The following RBM41 variants were observed in gnomAD, a reference collection of about 807,000 sequenced individuals.
RBM41 encodes the protein RNA binding motif protein 41, also known as RNA-binding protein 41.
RBM41 carries 14 observed loss-of-function variants against 30.8 expected under a neutral mutation model. The ratio of observed to expected loss-of-function variants is 0.45; its 90% confidence interval spans 0.30 to 0.71. The LOEUF (loss-of-function observed/expected upper bound fraction) is 0.71, where lower values mean the gene tolerates loss of function less well. RBM41 is among the 30% of genes least tolerant of loss of function. The pLI, the probability that RBM41 is intolerant of heterozygous loss-of-function variation, is 0.08. For missense variants in RBM41, 276 were observed against 326.3 expected (o/e 0.85, Z 1.19); for synonymous variants, 120 against 110.1 (o/e 1.09, Z -0.56).
rs199923732 is a variant in RBM41, at chrX:107,093,000, C to T, written c.596-4161G>A. Among the ~76,000 whole-genome samples, 267 of 111,623 alleles carry T rather than the reference C, an allele frequency of 2.4e-3. 1 individual carries two copies. Among genetic ancestry groups the T allele is most frequent in the African/African-American group, 7.9e-3 (243 of 30,787 alleles). On this transcript the variant is annotated intron_variant, in intron 5 of 7. Transcript: ENST00000685964. ...AAGAATTAATTATAAAATTCTGGTA[C>T]GTTTATATGATGAAATACTATCATC...
At chrX:107,115,836 A>T (rs190525444) in intron 3 of RBM41, 26 bp downstream of exon 3, 1 of 1,141,684 alleles carries the variant, frequency 8.8e-7, no homozygotes, top group Non-Finnish European at 1.2e-6. Flanking sequence ...AGAAAAACCA[A>T]CAAAAAAAAA....
Position 107,115,908 on chromosome X carries a change from T to C in RBM41, c.272A>G (p.Asn91Ser), listed in dbSNP as rs776595014. 5.0e-6 allele frequency: 6 copies of C among 1,204,756 alleles called. No individual in the cohort carries two copies. In the South Asian group the frequency reaches 7.2e-5, roughly 15 times the overall value. ...CTTCCAGATCAAGATTTCTGTTTCA[T>C]TAAGCCCTAATTCCCTGAGAGAAGC... ...ETASLRELGL[N>S]ETEILIWKSH... The change falls in exon 3 of 8, where the codon AAT becomes AGT. Residue 91 changes from asparagine to serine, a missense_variant. Physicochemically the swap from Asn to Ser is conservative, Grantham distance 46. Transcript: ENST00000685964.
At chrX:107,053,571 C>T in the RBM41 span, among the ~76,000 whole-genome samples, 1 of 112,349 alleles carries the variant, frequency 8.9e-6, no homozygotes, top group Admixed American at 9.4e-5. Flanking sequence ...GGGGGAGGCA[C>T]ATCCAACAGT....
intron 6 of RBM41, among the ~76,000 whole-genome samples, chrX:107,078,373 C>A (rs1265846340): frequency 9.0e-6 from 1 of 111,303 alleles, no homozygotes; most frequent in Non-Finnish European, 1.9e-5. Flanking sequence ...GTATGAAATT[C>A]TTTTTCATGG....
At chrX:107,074,844 G>A (rs772199702) in intron 6 of RBM41, among the ~76,000 whole-genome samples, 9 of 111,522 alleles carry the variant, frequency 8.1e-5, no homozygotes, top group East Asian at 2.8e-4. Flanking sequence ...TATCCAAAGC[G>A]GTCTACAGAT....
intron 5 of RBM41, among the ~76,000 whole-genome samples, chrX:107,092,121 T>C (rs1463387786): frequency 4.5e-5 from 5 of 111,820 alleles, no homozygotes; most frequent in Non-Finnish European, 9.4e-5. Context: ...TATACTATTC[T>C]ATATTTCCAC....
intron 5 of RBM41, among the ~76,000 whole-genome samples, chrX:107,101,879 C>T (rs977952760): frequency 2.7e-5 from 3 of 111,431 alleles, no homozygotes; most frequent in African/African-American, 9.8e-5. Context: ...TGAGTAGAGG[C>T]TGGAAGAATT....
At chrX:107,097,559 G>A (rs1222252321) in intron 5 of RBM41, among the ~76,000 whole-genome samples, 1 of 111,518 alleles carries the variant, frequency 9.0e-6, no homozygotes, top group Non-Finnish European at 1.9e-5. Flanking sequence ...ACCTTGTGAA[G>A]AAGGTGTCTG....
At chrX:107,115,131 C>G (rs1346524503) in intron 4 of RBM41, 1 of 417,714 alleles carries the variant, frequency 2.4e-6, no homozygotes, top group Non-Finnish European at 4.1e-6. Context: ...GTGTTCTGCA[C>G]TACCTCAGCA....
intron 6 of RBM41, among the ~76,000 whole-genome samples, chrX:107,075,065 T>C (rs767257597): frequency 1.8e-5 from 2 of 111,759 alleles, no homozygotes; most frequent in South Asian, 7.6e-4. Flanking sequence ...ACTGGACACA[T>C]AGGCCAATGG....
intron 1 of RBM41, among the ~76,000 whole-genome samples, chrX:107,117,872 A>T: frequency 9.0e-6 from 1 of 111,592 alleles, no homozygotes; most frequent in Non-Finnish European, 1.9e-5. Context: ...CTTGTAGTGG[A>T]TGCGAACCTT....
intron 6 of RBM41, among the ~76,000 whole-genome samples, chrX:107,087,304 GAACT>G (rs2147951263): frequency 9.0e-6 from 1 of 111,010 alleles, no homozygotes; most frequent in South Asian, 3.8e-4. Context: ...AGCTACCCTT[GAACT>G]AATAGTATAA....
chrX:107,077,410 G>A (rs1044679396), intron 6 of RBM41, among the ~76,000 whole-genome samples: 5 of 111,429 alleles, frequency 4.5e-5, no homozygotes, highest in Non-Finnish European at 7.5e-5. Context: ...TGGGATTACA[G>A]ACGTGAGCCA....
At chrX:107,086,680 T>TG (rs2147948876) in intron 6 of RBM41, among the ~76,000 whole-genome samples, 1 of 112,263 alleles carries the variant, frequency 8.9e-6, no homozygotes, top group East Asian at 2.8e-4. Flanking sequence ...AAAATCCCAT[T>TG]GGTTGTAACC....
At chrX:107,078,141 C>G (rs969855969) in intron 6 of RBM41, among the ~76,000 whole-genome samples, 4 of 111,608 alleles carry the variant, frequency 3.6e-5, no homozygotes, top group Non-Finnish European at 5.6e-5. Context: ...TAATGTTAAG[C>G]ATACACACAA....
intron 5 of RBM41, among the ~76,000 whole-genome samples, chrX:107,106,751 C>G (rs1180423869): frequency 9.2e-6 from 1 of 109,231 alleles, no homozygotes; most frequent in Non-Finnish European, 1.9e-5. Context: ...CCATCATTCT[C>G]AGCAAACTAT....
rs766235074 is a variant in RBM41 at position 107,067,599 on chromosome X, T to C, written c.1242A>G (p.Gln414=). 2 of 1,211,112 alleles carry C rather than the reference T, an allele frequency of 1.7e-6. No individual in the cohort carries two copies. The highest frequency in any genetic ancestry group is 1.1e-6 in the Non-Finnish European group (1 of 895,019). Residue 414 remains glutamine (Q), a synonymous_variant, in exon 8 of 8, where the codon CAA becomes CAG. Coordinates refer to ENST00000685964, the MANE Select transcript of RBM41 (RefSeq NM_001324242.2). Reference sequence around the variant, plus strand: ...GAGAAGTCGCTTGGAGATTTGACCGTTGCTTTTTGTTCTTTCCAAACTCTA... The same window carrying C: ...GAGAAGTCGCTTGGAGATTTGACCGCTGCTTTTTGTTCTTTCCAAACTCTA... The part of the protein sequence containing the change: ...LVIEFGKNKK[Q]RSNLQATSLI...
intron 7 of RBM41, among the ~76,000 whole-genome samples, chrX:107,067,968 C>T (rs1935907923): frequency 9.0e-6 from 1 of 111,597 alleles, no homozygotes; most frequent in Non-Finnish European, 1.9e-5. Flanking sequence ...AGGCAGCGTG[C>T]TAAAGAAGTC....
Position 107,104,269 on chromosome X carries a change from G to A in RBM41, c.595+9128C>T, listed in dbSNP as rs372617846. On this transcript the variant is annotated intron_variant, in intron 5 of 7. Coordinates refer to ENST00000685964, the MANE Select transcript of RBM41 (RefSeq NM_001324242.2). ...TCTAATTAACAGTATACATGCTGAA[G>A]TATTTCGGGGGAAGGAATTTACATC... 8.1e-5 allele frequency among the ~76,000 whole-genome samples: 9 copies of A among 111,622 alleles called. No homozygotes were observed. The East Asian group carries it at 2.0e-3, about 24-fold the overall frequency.
Sources: allele counts gnomAD v4.1 joint callset (sites outside exome capture counted in the v4.1 genomes callset), GRCh38; gene constraint gnomAD v4.1.1; transcripts MANE v1.5; gene names NCBI Gene and HGNC (gene_info 2026-07-23, HGNC 2026-07-21).